The following ITIH6 variants were observed in gnomAD, a reference collection of about 807,000 sequenced individuals.
ITIH6 encodes the protein inter-alpha-trypsin inhibitor heavy chain H6.
A neutral mutation model predicts 58.2 loss-of-function variants in ITIH6; 60 were observed. That is an observed-to-expected ratio of 1.03 (90% CI 0.84 to 1.28). The LOEUF (loss-of-function observed/expected upper bound fraction) is 1.28. ITIH6 is among the 50% of genes most tolerant of loss of function. ITIH6 has a pLI of 0.00. For synonymous variants in ITIH6, 493 were observed against 417.4 expected (o/e 1.18, Z -2.21); for missense variants, 1,290 against 1,021.1 (o/e 1.26, Z -3.59).
intron 5 of ITIH6, among the ~76,000 whole-genome samples, chrX:54,775,649 G>A (rs1215537586): frequency 1.8e-5 from 2 of 111,594 alleles, no homozygotes; most frequent in Non-Finnish European, 3.8e-5. Context: ...ACTAAGACTA[G>A]CTCTTGTCCC....
chrX:54,750,175 GC>G, intron 12 of ITIH6, 69 bp from the exon 13 acceptor site: 1 of 853,936 alleles, frequency 1.2e-6, no homozygotes, highest in Non-Finnish European at 1.7e-6. Flanking sequence ...CTGCAAGGAG[GC>G]CCAGCAGGAA....
intron 6 of ITIH6, among the ~76,000 whole-genome samples, chrX:54,767,799 C>G (rs1423897573): frequency 4.4e-4 from 40 of 91,237 alleles, no homozygotes; most frequent in African/African-American, 1.7e-3. Flanking sequence ...CTGAGGAGAG[C>G]TTTACTTCCA....
chrX:54,757,412 G>A lies in ITIH6; in HGVS notation c.2662C>T (p.Pro888Ser), dbSNP rs765163481. 1 of 1,208,888 alleles carries A rather than the reference G, an allele frequency of 8.3e-7. No homozygotes were observed. The highest frequency in any genetic ancestry group is 1.8e-5 in the African/African-American group (1 of 56,917). ...GGGGGCCTTGGTCTGTCAGGTCTAG[G>A]AGGTAGTGGGGTTTGAGGCATATGG... is the stretch of plus-strand genomic sequence containing the variant. ...NPHMPQTPLPPRPDRPRPPLP... is the reference protein window; with the variant it reads ...NPHMPQTPLPSRPDRPRPPLP... The change falls in exon 8 of 13, where the codon CCT (proline) becomes TCT (serine). Residue 888 changes from proline (P) to serine (S), a missense_variant. Physicochemically the swap from Pro to Ser is moderately conservative, Grantham distance 74. Coordinates refer to ENST00000218436, the MANE Select transcript of ITIH6 (RefSeq NM_198510.3).
At chrX:54,753,151 C>T (rs1278518023) in intron 11 of ITIH6, among the ~76,000 whole-genome samples, 2 of 112,761 alleles carry the variant, frequency 1.8e-5, no homozygotes, top group African/African-American at 6.4e-5. Flanking sequence ...CCTTACGGTC[C>T]TGATTTGGCT....
At chrX:54,777,706 A>G (rs1472091733) in intron 5 of ITIH6, among the ~76,000 whole-genome samples, 2 of 112,740 alleles carry the variant, frequency 1.8e-5, no homozygotes, top group South Asian at 3.7e-4. Flanking sequence ...AAGACCATCA[A>G]GACAATACTT....
chrX:54,779,410 G>A (rs1602063484), intron 5 of ITIH6, among the ~76,000 whole-genome samples: 1 of 111,563 alleles, frequency 9.0e-6, no homozygotes, highest in African/African-American at 3.3e-5. Flanking sequence ...AAGGCATAGA[G>A]TTTTTATTAG....
chrX:54,764,525 T>C (rs937083273), intron 6 of ITIH6, among the ~76,000 whole-genome samples: 1 of 107,690 alleles, frequency 9.3e-6, no homozygotes, highest in African/African-American at 3.4e-5. Context: ...TTTTTTGTTC[T>C]TGCGATAGTT....
At position 54,757,470 on chromosome X, in the gene ITIH6, G is replaced by A. The variant is rs958695705; in HGVS notation, c.2604C>T (p.Ser868=). The part of the protein sequence containing the change: ...PSAPPHQIST[S]ISLSKPETPN... ...GGGTCTCAGGCTTGGAAAGTGATAT[G>A]CTTGTGGAAATTTGGTGTGGTGGGG... The change falls in exon 8 of 13, where the codon AGC becomes AGT. Residue 868 remains serine, a synonymous_variant. Coordinates refer to ENST00000218436, the MANE Select transcript of ITIH6 (RefSeq NM_198510.3). 5 of 1,208,562 alleles carry A rather than the reference G, an allele frequency of 4.1e-6. No individual in the cohort carries two copies. Among genetic ancestry groups the A allele is most frequent in the Non-Finnish European group, 5.6e-6 (5 of 894,650 alleles).
chrX:54,798,216 C>T lies in ITIH6; in HGVS notation c.-6G>A. 2 of 1,129,461 alleles carry T rather than the reference C, an allele frequency of 1.8e-6. No individual in the cohort carries two copies. Among genetic ancestry groups the T allele is most frequent in the Non-Finnish European group, 2.4e-6 (2 of 834,152 alleles). The allele number at this position is 1,129,461 out of a possible 1,213,427, so 93.1% of individuals were successfully genotyped here. On this transcript the variant is annotated 5_prime_UTR_variant, in exon 1 of 13. Coordinates refer to ENST00000218436, the MANE Select transcript of ITIH6 (RefSeq NM_198510.3). Reference sequence around the variant, plus strand: ...AGGTACCTCCACCCAGACATGATGCCACCTCTGGCCTGGATCTGTTGTTCA... The same window carrying T: ...AGGTACCTCCACCCAGACATGATGCTACCTCTGGCCTGGATCTGTTGTTCA...
intron 2 of ITIH6, among the ~76,000 whole-genome samples, chrX:54,794,156 G>C (rs1294472517): frequency 9.1e-6 from 1 of 109,368 alleles, no homozygotes; most frequent in Admixed American, 9.7e-5. Flanking sequence ...GCTAGTGTGG[G>C]GGTGGGCCGA....
chrX:54,784,526 C>G (rs1193112270), intron 5 of ITIH6, among the ~76,000 whole-genome samples: 1 of 111,661 alleles, frequency 9.0e-6, no homozygotes, highest in Non-Finnish European at 1.9e-5. Flanking sequence ...CAAAAAAGGG[C>G]AAAAGATTTG....
chrX:54,753,915 G>A lies in ITIH6; in HGVS notation c.3238+15C>T, dbSNP rs759758103. 5.8e-6 allele frequency: 7 copies of A among 1,204,455 alleles called. No individual in the cohort carries two copies. The Admixed American group carries it at 6.6e-5, about 11-fold the overall frequency. On this transcript the variant is annotated intron_variant, in intron 10 of 12. Coordinates refer to ENST00000218436, the MANE Select transcript of ITIH6 (RefSeq NM_198510.3). ...CTGTACTCAAACAGGGGAGCCATGG[G>A]GGTGACTGGCTTACCTGAGGAGGAG...
At chrX:54,765,726 G>T (rs1367085100) in intron 6 of ITIH6, among the ~76,000 whole-genome samples, 2 of 109,748 alleles carry the variant, frequency 1.8e-5, no homozygotes, top group Non-Finnish European at 3.8e-5. Context: ...ATTTCTGAGG[G>T]CTCTGTTCTG....
At position 54,791,006 on chromosome X, in the gene ITIH6, C is replaced by T. The variant is rs754606089; in HGVS notation, c.447G>A (p.Glu149=). 1 of 1,212,093 alleles carries T rather than the reference C, an allele frequency of 8.3e-7. No individual in the cohort carries two copies. The highest frequency in any genetic ancestry group is 1.1e-6 in the Non-Finnish European group (1 of 895,493). Residue 149 remains glutamate, a synonymous_variant, in exon 4 of 13, where the codon GAG becomes GAA. Transcript: ENST00000218436. ...GGCCCTGGTGCCGCTGAAGCAGTTCCTCATAGGCCAGGGAAAAAGTCACCT... is the reference window on the plus strand; with the variant it reads ...GGCCCTGGTGCCGCTGAAGCAGTTCTTCATAGGCCAGGGAAAAAGTCACCT... ...GTEVTFSLAY[E]ELLQRHQGQY...
intron 2 of ITIH6, among the ~76,000 whole-genome samples, chrX:54,795,281 C>T (rs1929420335): frequency 8.9e-6 from 1 of 112,352 alleles, no homozygotes; most frequent in South Asian, 3.7e-4. Flanking sequence ...AAATAATATT[C>T]ATACTCTATT....
At chrX:54,753,303 G>C (rs1928408456) in intron 11 of ITIH6, among the ~76,000 whole-genome samples, 1 of 112,706 alleles carries the variant, frequency 8.9e-6, no homozygotes, top group Non-Finnish European at 1.9e-5. Context: ...TGGACTAAAT[G>C]GCTGCTATCA....
At position 54,758,423 on chromosome X, in the gene ITIH6, C is replaced by G. The variant is rs151070597; in HGVS notation, c.1651G>C (p.Glu551Gln). 1.4e-5 allele frequency: 17 copies of G among 1,210,062 alleles called. No individual in the cohort carries two copies. Among genetic ancestry groups the G allele is most frequent in the Non-Finnish European group, 1.9e-5 (17 of 894,596 alleles). The change falls in exon 8 of 13, where the codon GAG becomes CAG. Residue 551 changes from glutamate to glutamine, a missense_variant. By Grantham distance (29) the Glu-to-Gln change is conservative. Coordinates refer to ENST00000218436, the MANE Select transcript of ITIH6 (RefSeq NM_198510.3). ...AAGTGGGCCACATTGGGGGCTGGCT[C>G]CCCTGGGCAACCAAAGGCCTTCTGG... is the stretch of plus-strand genomic sequence containing the variant. ...NSQKAFGCPG[E>Q]PAPNVAHFIR...
At chrX:54,755,855 T>C (rs964180350) in intron 8 of ITIH6, among the ~76,000 whole-genome samples, 12 of 110,776 alleles carry the variant, frequency 1.1e-4, no homozygotes, top group African/African-American at 3.6e-4. Flanking sequence ...CTAAGTACGA[T>C]GGGAAACCCT....
At chrX:54,766,337 G>A (rs1445732412) in intron 6 of ITIH6, among the ~76,000 whole-genome samples, 2 of 86,365 alleles carry the variant, frequency 2.3e-5, no homozygotes, top group Non-Finnish European at 4.5e-5. Context: ...TCTGCAAACA[G>A]GGACAATTTG....
Sources: allele counts gnomAD v4.1 joint callset (sites outside exome capture counted in the v4.1 genomes callset), GRCh38; gene constraint gnomAD v4.1.1; transcripts MANE v1.5; gene names NCBI Gene and HGNC (gene_info 2026-07-23, HGNC 2026-07-21).